COL28A1: variants seen among roughly 807,000 people sequenced by gnomAD.
COL28A1 encodes the protein collagen alpha-1(XXVIII) chain.
A neutral mutation model predicts 150.2 loss-of-function variants in COL28A1; 161 were observed. The observed-to-expected ratio is 1.07, with a 90% CI of 0.94 to 1.22. COL28A1 has a LOEUF of 1.22. COL28A1 is among the 50% of genes most tolerant of loss of function. The probability of loss-of-function intolerance (pLI) is 0.00; values close to 1 mark genes in which losing one functional copy is unlikely to be tolerated. For missense variants in COL28A1, 1,617 were observed against 1,388.3 expected (o/e 1.16, Z -2.62); for synonymous variants, 552 against 469.7 (o/e 1.18, Z -2.26).
chr7:7,400,216 A>G (rs1783095306), intron 27 of COL28A1, among the ~76,000 whole-genome samples: 1 of 152,172 alleles, frequency 6.6e-6, no homozygotes, highest in Non-Finnish European at 1.5e-5. Context: ...CCTATTATCC[A>G]TGGAAAAAGT....
chr7:7,373,419 A>G lies in COL28A1; in HGVS notation c.2487T>C (p.Ala829=), dbSNP rs1341805601. ...CTATGCGGGCCGTGGCAAGGTCCAG[A>G]GCAACCCGGTCAGCCATAGTCTTCA... The part of the protein sequence containing the change: ...NFVKTMADRV[A]LDLATARIGI... The change falls in exon 32 of 35, where the codon GCT becomes GCC. Residue 829 remains alanine, a synonymous_variant. Transcript: ENST00000399429. The surrounding 1 kb of genome is among the most constrained non-coding windows in gnomAD (Gnocchi z 4.1). 6.2e-7 allele frequency: 1 copy of G among 1,614,142 alleles called. No homozygotes were observed.
Position 7,489,452 on chromosome 7 carries a change from T to C in COL28A1, c.1101A>G (p.Glu367=). 7.4e-7 allele frequency: 1 copy of C among 1,346,414 alleles called. No individual in the cohort carries two copies. Among genetic ancestry groups the C allele is most frequent in the South Asian group, 1.2e-5 (1 of 85,862 alleles). 83.4% of individuals were successfully genotyped at this position (1,346,414 alleles called of 1,614,324 possible). The stretch of plus-strand genomic sequence containing the variant: ...CTCCCGGTCTTCCTTCTTGGCCTCT[T>C]TCTCCCTAAGAGAAAGAAATAATAG... ...PGIGQQGIKG[E]RGQEGRPGAP... is the part of the protein sequence containing the mutation. The change falls in exon 13 of 35, where the codon GAA becomes GAG. Residue 367 remains glutamate, a synonymous_variant. Transcript: ENST00000399429.
At chr7:7,434,278 G>A (rs1785188063) in intron 23 of COL28A1, among the ~76,000 whole-genome samples, 1 of 152,172 alleles carries the variant, frequency 6.6e-6, no homozygotes, top group Admixed American at 6.5e-5. Flanking sequence ...GGAAGCCCAT[G>A]GTCTTCAGGA....
rs531896374 is a variant in COL28A1, at chr7:7,508,187, G to C, written c.928-1026C>G. Among the ~76,000 whole-genome samples the C allele has an allele frequency of 9.3e-5, 14 of 151,148 alleles. No homozygotes were observed. In the East Asian group the frequency reaches 2.5e-3, roughly 27 times the overall value. ...GCGGAGCTTGCAGTGAGCTGAGATCGCGCCACTGCACTCCAGCCTGGGCAA... is the reference window on the plus strand; with the variant it reads ...GCGGAGCTTGCAGTGAGCTGAGATCCCGCCACTGCACTCCAGCCTGGGCAA... On this transcript the variant is annotated intron_variant, in intron 9 of 34. Transcript: ENST00000399429.
At chr7:7,388,635 C>G (rs999617403) in intron 27 of COL28A1, among the ~76,000 whole-genome samples, 1 of 152,076 alleles carries the variant, frequency 6.6e-6, no homozygotes, top group South Asian at 2.1e-4. Context: ...ACTGTAAAAG[C>G]ATTCCTATTT....
At chr7:7,393,795 T>A (rs1297887025) in intron 27 of COL28A1, among the ~76,000 whole-genome samples, 1 of 152,130 alleles carries the variant, frequency 6.6e-6, no homozygotes, top group African/African-American at 2.4e-5. Context: ...AATTTGAGCA[T>A]CCCAGGTCAA....
At chr7:7,411,336 G>A (rs977070027) in intron 27 of COL28A1, among the ~76,000 whole-genome samples, 7 of 152,116 alleles carry the variant, frequency 4.6e-5, no homozygotes, top group Admixed American at 2.0e-4. Flanking sequence ...GAGCTTTGGA[G>A]GAAGAAGCAA....
chr7:7,380,915 A>G (rs374032761), intron 28 of COL28A1, 53 bp from the exon 29 acceptor site: 2 of 1,496,006 alleles, frequency 1.3e-6, no homozygotes, highest in African/African-American at 1.4e-5. Flanking sequence ...TAAAAGCCAG[A>G]TAAGAAAAGC....
chr7:7,415,200 C>T (rs913685785), intron 27 of COL28A1, among the ~76,000 whole-genome samples: 1 of 152,172 alleles, frequency 6.6e-6, no homozygotes, highest in African/African-American at 2.4e-5. Context: ...TTAACAGCAA[C>T]AAAGCTTTCC....
upstream of COL28A1, among the ~76,000 whole-genome samples, chr7:7,537,310 C>G (rs1450043554): frequency 6.6e-6 from 1 of 152,128 alleles, no homozygotes; most frequent in Non-Finnish European, 1.5e-5. Context: ...ATGGGCAAAG[C>G]TTTGGGATGT....
At chr7:7,351,465 C>G (rs1027917180), downstream of COL28A1, among the ~76,000 whole-genome samples, 1 of 152,052 alleles carries the variant, frequency 6.6e-6, no homozygotes, top group Non-Finnish European at 1.5e-5. Flanking sequence ...CCCAAGAATG[C>G]CCAGTTGCTT....
chr7:7,449,708 C>A (rs528582131), intron 18 of COL28A1, among the ~76,000 whole-genome samples: 11 of 151,894 alleles, frequency 7.2e-5, no homozygotes, highest in African/African-American at 2.7e-4. Flanking sequence ...CAAAAAAATT[C>A]TCCTATAGAC....
rs189632083 is a variant in COL28A1 at position 7,488,029 on chromosome 7, T to C, written c.1164+1360A>G. Among the ~76,000 whole-genome samples the C allele has an allele frequency of 3.9e-3, 596 of 152,266 alleles. 4 individuals carry two copies. The highest frequency in any genetic ancestry group is 0.013 in the African/African-American group (559 of 41,554). ...CAGCCATGTGAGGCCATTTTTAACA[T>C]TGCAGCCATTTTAGCACTCCATCTG... On this transcript the variant is annotated intron_variant, in intron 13 of 34. Transcript: ENST00000399429.
At chr7:7,517,772 A>C in intron 7 of COL28A1, 24 bp downstream of exon 7, 1 of 1,613,264 alleles carries the variant, frequency 6.2e-7, no homozygotes, top group Non-Finnish European at 8.5e-7. Context: ...CTTTCTTAGG[A>C]AGGCATTCCA....
At chr7:7,447,222 A>T (rs1786330880) in intron 18 of COL28A1, among the ~76,000 whole-genome samples, 1 of 152,130 alleles carries the variant, frequency 6.6e-6, no homozygotes, top group Non-Finnish European at 1.5e-5. Context: ...TCCAAGAACA[A>T]AGCTCAAAAT....
chr7:7,377,998 G>GA lies in COL28A1; in HGVS notation c.2323-2502dup, dbSNP rs1328392007. Among the ~76,000 whole-genome samples, 5 of 152,114 alleles carry GA rather than the reference G, an allele frequency of 3.3e-5. No homozygotes were observed. In the East Asian group the frequency reaches 9.7e-4, roughly 29 times the overall value. The stretch of plus-strand genomic sequence containing the variant: ...CATACTCTGAGAGAGGCAGGAGTGG[G>GA]ATAGGGGCAGGTTGGGAGCTCATGA... On this transcript the variant is annotated intron_variant, in intron 30 of 34. Coordinates refer to ENST00000399429, the MANE Select transcript of COL28A1 (RefSeq NM_001037763.3).
At chr7:7,412,572 T>C (rs951419322) in intron 27 of COL28A1, among the ~76,000 whole-genome samples, 1 of 152,050 alleles carries the variant, frequency 6.6e-6, no homozygotes, top group African/African-American at 2.4e-5. Flanking sequence ...CTGCAAACAT[T>C]TTCCATATAT....
chr7:7,453,191 A>G (rs892048188), intron 17 of COL28A1, among the ~76,000 whole-genome samples: 1 of 152,244 alleles, frequency 6.6e-6, no homozygotes, highest in Non-Finnish European at 1.5e-5. Flanking sequence ...TTGGTAGAAT[A>G]GGATCTCATA....
chr7:7,412,159 T>C (rs1039848556), intron 27 of COL28A1, among the ~76,000 whole-genome samples: 8 of 152,062 alleles, frequency 5.3e-5, no homozygotes, highest in African/African-American at 1.9e-4. Flanking sequence ...GCAGAGGGGA[T>C]ACATGTCAAG....
Sources: gnomAD v4.1 joint callset for allele counts (sites outside exome capture counted in the v4.1 genomes callset) on GRCh38, gnomAD v4.1.1 for gene constraint, Gnocchi (gnomAD v3.1) non-coding constraint, MANE v1.5 for transcripts, NCBI Gene and HGNC (gene_info 2026-07-23, HGNC 2026-07-21) for gene names.